Variants in FRMPD4 observed in about 807,000 individuals in gnomAD.
FRMPD4 encodes the protein FERM and PDZ domain containing 4.
FRMPD4 carries 22 observed loss-of-function variants against 94.1 expected under a neutral mutation model. The ratio of observed to expected loss-of-function variants is 0.23; its 90% CI spans 0.17 to 0.33. The LOEUF is 0.33. Ranked by LOEUF, FRMPD4 falls within the 10% of genes least tolerant of loss-of-function variation. The pLI is 1.00. For synonymous variants in FRMPD4, 631 were observed against 548.6 expected, an observed-to-expected ratio of 1.15 and a Z score of -2.10; for missense variants, 1,111 against 1,339.9, an observed-to-expected ratio of 0.83 and a Z score of 2.67.
intron 2 of FRMPD4, 65 bp downstream of exon 2, chrX:12,498,861 T>TTCTCATAAACAAA: frequency 1.6e-6 from 1 of 619,578 alleles, no homozygotes; most frequent in Non-Finnish European, 2.6e-6. Context: ...TCTTTGTTTA[T>TTCTCATAAACAAA]GAGAATGAAC....
chrX:12,387,821 C>A (rs990161587), intron 1 of FRMPD4, among the ~76,000 whole-genome samples: 1 of 108,481 alleles, frequency 9.2e-6, no homozygotes, highest in African/African-American at 3.4e-5. Context: ...CATTCTTTCT[C>A]AGGCATACAA....
chrX:12,547,075 T>C (rs1380541219), intron 2 of FRMPD4, among the ~76,000 whole-genome samples: 1 of 105,988 alleles, frequency 9.4e-6, no homozygotes, highest in Non-Finnish European at 1.9e-5. Context: ...CATATATGGC[T>C]GTTATGGCTG....
At position 12,215,417 on chromosome X, in the gene FRMPD4, C is replaced by A. The variant is rs760231895; in HGVS notation, c.41+76405C>A. 5.4e-5 allele frequency among the ~76,000 whole-genome samples: 6 copies of A among 111,151 alleles called. No homozygotes were observed. The South Asian group carries it at 2.3e-3, about 43-fold the overall frequency. On this transcript the variant is annotated intron_variant, in intron 1 of 16. Transcript: ENST00000675598. ...CTTCTTAACCTCCTGCCCCTTGTGT[C>A]CAGCTGGTTGCAGACTCTCTTCTTC...
At chrX:11,967,179 G>C (rs1233681683) in intron 3 of FRMPD4, among the ~76,000 whole-genome samples, 1 of 112,022 alleles carries the variant, frequency 8.9e-6, no homozygotes, top group Non-Finnish European at 1.9e-5. Context: ...TCAAATTCCT[G>C]GGCTCAAGCA....
intron 1 of FRMPD4, among the ~76,000 whole-genome samples, chrX:12,369,100 C>T (rs1005200789): frequency 9.0e-6 from 1 of 110,506 alleles, no homozygotes; most frequent in African/African-American, 3.3e-5. Flanking sequence ...AACAGAACTT[C>T]GTAACATTGT....
chrX:12,144,106 C>T (rs753016961), intron 1 of FRMPD4, among the ~76,000 whole-genome samples: 2 of 112,148 alleles, frequency 1.8e-5, no homozygotes, highest in Non-Finnish European at 3.8e-5. Context: ...TATTTCCTTA[C>T]AGTACACTTG....
chrX:11,913,231 T>C (rs1254591092), intron 3 of FRMPD4, among the ~76,000 whole-genome samples: 1 of 112,289 alleles, frequency 8.9e-6, no homozygotes, highest in Non-Finnish European at 1.9e-5. Context: ...CAGTCAGGAA[T>C]TTCCATTTTC....
intron 1 of FRMPD4, among the ~76,000 whole-genome samples, chrX:12,438,084 G>T (rs747153980): frequency 9.0e-6 from 1 of 111,364 alleles, no homozygotes; most frequent in Non-Finnish European, 1.9e-5. Flanking sequence ...GCCCTAAAAA[G>T]AATTAGAAGC....
At chrX:12,301,641 A>C (rs907794706) in intron 1 of FRMPD4, among the ~76,000 whole-genome samples, 13 of 112,338 alleles carry the variant, frequency 1.2e-4, no homozygotes, top group Admixed American at 7.5e-4. Context: ...AATACAGCAT[A>C]GTATTATACT....
At chrX:12,277,070 G>A (rs5935287) in intron 1 of FRMPD4, among the ~76,000 whole-genome samples, 8,190 of 96,358 alleles carry the variant, frequency 0.085, 330 homozygotes, top group South Asian at 0.14. Flanking sequence ...GCAGTGAGCC[G>A]AGATCCCGCC....
intron 1 of FRMPD4, among the ~76,000 whole-genome samples, chrX:11,849,743 G>A (rs1318887808): frequency 1.9e-5 from 2 of 107,756 alleles, no homozygotes; most frequent in African/African-American, 6.8e-5. Context: ...CAATGAACTT[G>A]GACCTTTATC....
At chrX:12,060,093 T>C (rs1421313861) in intron 3 of FRMPD4, among the ~76,000 whole-genome samples, 1 of 110,995 alleles carries the variant, frequency 9.0e-6, no homozygotes, top group Non-Finnish European at 1.9e-5. Flanking sequence ...CATATATCAT[T>C]AATATGTATT....
intron 1 of FRMPD4, among the ~76,000 whole-genome samples, chrX:12,349,304 C>A (rs1007030283): frequency 4.5e-5 from 5 of 110,789 alleles, no homozygotes; most frequent in Non-Finnish European, 9.4e-5. Context: ...AAACCATATG[C>A]AGACCTTCTA....
At chrX:12,309,814 T>C (rs1270999781) in intron 1 of FRMPD4, among the ~76,000 whole-genome samples, 1 of 112,793 alleles carries the variant, frequency 8.9e-6, no homozygotes, top group African/African-American at 3.2e-5. Context: ...AGGCAGCGCA[T>C]CCTTGCATTG....
chrX:12,281,306 C>G (rs1249539187), intron 1 of FRMPD4, among the ~76,000 whole-genome samples: 1 of 111,875 alleles, frequency 8.9e-6, no homozygotes, highest in African/African-American at 3.2e-5. Flanking sequence ...CTACCATAAT[C>G]ACCATAAGTT....
intron 1 of FRMPD4, among the ~76,000 whole-genome samples, chrX:12,315,491 A>T (rs2055100393): frequency 8.9e-6 from 1 of 111,909 alleles, no homozygotes; most frequent in Non-Finnish European, 1.9e-5. Flanking sequence ...GTTTGCAGGA[A>T]GAGACATAGC....
intron 1 of FRMPD4, among the ~76,000 whole-genome samples, chrX:12,214,339 T>C (rs1331675199): frequency 8.9e-6 from 1 of 111,948 alleles, no homozygotes; most frequent in East Asian, 2.8e-4. Context: ...TTTTCTCACT[T>C]AGCTTTACCA....
Position 12,505,727 on chromosome X carries a change from GAAAAA to G in FRMPD4, c.158+6949_158+6953del, listed in dbSNP as rs34064982. Among the ~76,000 whole-genome samples, 7 of 46,320 alleles carry G rather than the reference GAAAAA, an allele frequency of 1.5e-4. No individual in the cohort carries two copies. The Admixed American group carries it at 1.8e-3, about 12-fold the overall frequency. 40.2% of individuals were successfully genotyped at this position (46,320 alleles called of 115,157 possible). On this transcript the variant is annotated intron_variant, in intron 2 of 16. Coordinates refer to ENST00000675598, the MANE Select transcript of FRMPD4 (RefSeq NM_001368397.1). ...GGGCAACAAGAGCAAAACTCCATCC[GAAAAA>G]AAAAAAAAAAAAAAAAAGGGGGGGA... is the stretch of plus-strand genomic sequence containing the variant.
chrX:12,524,613 T>C (rs901493122), intron 2 of FRMPD4, among the ~76,000 whole-genome samples: 1 of 111,710 alleles, frequency 9.0e-6, no homozygotes, highest in Non-Finnish European at 1.9e-5. Context: ...TTAGTGTGCC[T>C]GGTGTCTTGG....
Sources: allele counts gnomAD v4.1 joint callset (sites outside exome capture counted in the v4.1 genomes callset), GRCh38; gene constraint gnomAD v4.1.1; transcripts MANE v1.5; gene names NCBI Gene and HGNC (gene_info 2026-07-23, HGNC 2026-07-21).